The following ROBO2 variants were observed in gnomAD, a reference collection of about 807,000 sequenced individuals.
ROBO2 encodes roundabout guidance receptor 2.
Under a neutral mutation model 160.8 loss-of-function variants are expected in ROBO2, and 53 were observed. That is an observed-to-expected ratio of 0.33 (90% CI 0.26 to 0.41). The LOEUF is 0.41. Ranked by LOEUF, ROBO2 falls within the 10% of genes least tolerant of loss-of-function variation. The probability of loss-of-function intolerance (pLI) is 1.00; values close to 1 mark genes in which losing one functional copy is unlikely to be tolerated. For missense variants in ROBO2, 1,577 were observed against 1,722.4 expected, an observed-to-expected ratio of 0.92 and a Z score of 1.49; for synonymous variants, 664 against 611.7, an observed-to-expected ratio of 1.09 and a Z score of -1.26.
intron 4 of ROBO2, 22 bp from the exon 5 acceptor site, chr3:77,493,222 T>C: frequency 1.2e-6 from 2 of 1,611,374 alleles, no homozygotes; most frequent in Non-Finnish European, 1.7e-6. Flanking sequence ...CATTTTACCA[T>C]TGTTTCATTT....
At chr3:77,054,528 CA>C (rs1438937402) in intron 1 of ROBO2, among the ~76,000 whole-genome samples, 5 of 152,040 alleles carry the variant, frequency 3.3e-5, no homozygotes, top group African/African-American at 1.2e-4. Flanking sequence ...TCGCATTTAC[CA>C]CATTCCTGGT....
chr3:77,309,547 G>A (rs1057473270), intron 2 of ROBO2, among the ~76,000 whole-genome samples: 8 of 152,212 alleles, frequency 5.3e-5, no homozygotes, highest in Admixed American at 5.2e-4. Context: ...TCATAATTAG[G>A]GTTGCCAAGT....
chr3:76,279,536 A>G (rs773808676), intron 2 of ROBO2, among the ~76,000 whole-genome samples: 33 of 152,094 alleles, frequency 2.2e-4, no homozygotes, highest in Admixed American at 1.2e-3. Flanking sequence ...TCAATTGAGT[A>G]AAGGCCAATT....
chr3:77,296,130 C>T (rs1394619220), intron 2 of ROBO2, among the ~76,000 whole-genome samples: 1 of 150,112 alleles, frequency 6.7e-6, no homozygotes, highest in Non-Finnish European at 1.5e-5. Flanking sequence ...TCTAGATCAC[C>T]CCAGATGTAA....
intron 2 of ROBO2, among the ~76,000 whole-genome samples, chr3:77,139,361 A>C (rs919667381): frequency 6.6e-6 from 1 of 152,222 alleles, no homozygotes; most frequent in African/African-American, 2.4e-5. Context: ...AATACACTCC[A>C]TTCATATTTG....
intron 2 of ROBO2, among the ~76,000 whole-genome samples, chr3:77,181,484 C>A (rs1579716260): frequency 1.3e-5 from 2 of 151,862 alleles, no homozygotes; most frequent in South Asian, 4.2e-4. Flanking sequence ...AATTTTATTT[C>A]GGTATATAAT....
intron 2 of ROBO2, among the ~76,000 whole-genome samples, chr3:76,325,612 TA>T (rs2072948301): frequency 6.6e-6 from 1 of 152,118 alleles, no homozygotes; most frequent in Non-Finnish European, 1.5e-5. Flanking sequence ...TTAATCAGTT[TA>T]TAAGCCAAAG....
Position 77,115,768 on chromosome 3 carries a change from A to T in ROBO2, c.388+17428A>T, listed in dbSNP as rs185040990. On this transcript the variant is annotated intron_variant, in intron 2 of 25. Transcript: ENST00000461745. The stretch of plus-strand genomic sequence containing the variant: ...TGAAACTAGAAAGCAAATTTAGAAT[A>T]CTTTTGTATTTGTTTGTGATTATCA... Among the ~76,000 whole-genome samples, 596 of 152,338 alleles carry T rather than the reference A, an allele frequency of 3.9e-3. 7 individuals are homozygous for T. Among genetic ancestry groups the T allele is most frequent in the Middle Eastern group, 0.014 (4 of 294 alleles).
intron 2 of ROBO2, among the ~76,000 whole-genome samples, chr3:76,222,750 T>C (rs971153677): frequency 1.3e-5 from 2 of 151,966 alleles, no homozygotes; most frequent in Non-Finnish European, 2.9e-5. Context: ...TGTTTCACCA[T>C]TATCCCACAC....
At chr3:75,919,987 A>T (rs1286001940) in intron 1 of ROBO2, among the ~76,000 whole-genome samples, 1 of 151,180 alleles carries the variant, frequency 6.6e-6, no homozygotes, top group Non-Finnish European at 1.5e-5. Flanking sequence ...CAAAAAACCC[A>T]CTCCTAGATT....
intron 2 of ROBO2, among the ~76,000 whole-genome samples, chr3:76,695,478 T>C (rs1434934073): frequency 6.6e-6 from 1 of 152,244 alleles, no homozygotes; most frequent in Non-Finnish European, 1.5e-5. Context: ...TGTTAATATT[T>C]ATTGATAAAG....
chr3:76,140,479 A>G (rs1417490885), intron 2 of ROBO2, among the ~76,000 whole-genome samples: 1 of 151,896 alleles, frequency 6.6e-6, no homozygotes, highest in Non-Finnish European at 1.5e-5. Flanking sequence ...AAGTGTATGT[A>G]GGGTCAAAAT....
chr3:76,030,194 C>T (rs954398971), intron 2 of ROBO2, among the ~76,000 whole-genome samples: 2 of 152,158 alleles, frequency 1.3e-5, no homozygotes, highest in Admixed American at 1.3e-4. Flanking sequence ...ATATCCTTTG[C>T]CCACTTTTTG....
At chr3:76,664,713 C>A (rs1283599310) in intron 2 of ROBO2, among the ~76,000 whole-genome samples, 2 of 152,096 alleles carry the variant, frequency 1.3e-5, no homozygotes, top group Non-Finnish European at 2.9e-5. Context: ...TTAAACATAC[C>A]ATTCTCAACT....
intron 2 of ROBO2, among the ~76,000 whole-genome samples, chr3:76,209,702 A>C (rs903586895): frequency 4.6e-5 from 7 of 152,124 alleles, no homozygotes; most frequent in African/African-American, 1.7e-4. Flanking sequence ...AGATGTAATA[A>C]ATATAGCAGT....
At chr3:76,560,929 GTAAGATAT>G (rs2084138194) in intron 2 of ROBO2, among the ~76,000 whole-genome samples, 1 of 97,288 alleles carries the variant, frequency 1.0e-5, no homozygotes, top group African/African-American at 4.3e-5. Flanking sequence ...TATATAAGAA[GTAAGATAT>G]ATATATATAT....
At chr3:77,365,550 T>C (rs756249053) in intron 2 of ROBO2, among the ~76,000 whole-genome samples, 7 of 152,180 alleles carry the variant, frequency 4.6e-5, no homozygotes, top group Non-Finnish European at 1.0e-4. Flanking sequence ...GTTCTATTCC[T>C]ACAACTAGAC....
rs1300210767 is a variant in ROBO2, at chr3:76,456,554, T to C, written c.109+518952T>C. Among the ~76,000 whole-genome samples, 9 of 152,268 alleles carry C rather than the reference T, an allele frequency of 5.9e-5. No individual in the cohort carries two copies. The South Asian group carries it at 1.0e-3, about 18-fold the overall frequency. On this transcript the variant is annotated intron_variant, in intron 2 of 26. Coordinates refer to the ROBO2 transcript ENST00000487694. The stretch of plus-strand genomic sequence containing the variant: ...TCCGGAGACTGTATCTTTAAGACGG[T>C]GGTCAGATTCCATAGTTGCCAGTTG...
chr3:76,913,251 G>A (rs1047625613), intron 2 of ROBO2, among the ~76,000 whole-genome samples: 3 of 152,164 alleles, frequency 2.0e-5, no homozygotes, highest in East Asian at 3.9e-4. Flanking sequence ...TGGTGGGAGA[G>A]GTCTTTAGGA....
Sources: gnomAD v4.1 joint callset for allele counts (sites outside exome capture counted in the v4.1 genomes callset) on GRCh38, gnomAD v4.1.1 for gene constraint, MANE v1.5 for transcripts, NCBI Gene and HGNC (gene_info 2026-07-23, HGNC 2026-07-21) for gene names.